DLG2: variants seen among roughly 807,000 people sequenced by gnomAD.
DLG2 encodes the protein disks large homolog 2.
In DLG2, 45 loss-of-function variants were observed where a neutral mutation model predicts 132.5. The ratio of observed to expected loss-of-function variants is 0.34; its 90% CI spans 0.27 to 0.44. The LOEUF (loss-of-function observed/expected upper bound fraction) is 0.44. DLG2 is among the 20% of genes least tolerant of loss of function. DLG2 has a pLI of 1.00. For missense variants in DLG2, 1,045 were observed against 1,196.9 expected (o/e 0.87, Z 1.87); for synonymous variants, 424 against 419.6 (o/e 1.01, Z -0.13).
At chr11:84,143,687 T>C (rs1008785196) in intron 9 of DLG2, among the ~76,000 whole-genome samples, 3 of 152,190 alleles carry the variant, frequency 2.0e-5, no homozygotes, top group African/African-American at 7.2e-5. Context: ...TTTTTCCTAA[T>C]GTACATCTCT....
At chr11:85,420,770 G>C (rs1338697756) in intron 3 of DLG2, among the ~76,000 whole-genome samples, 2 of 152,132 alleles carry the variant, frequency 1.3e-5, no homozygotes, top group Non-Finnish European at 2.9e-5. Flanking sequence ...TTCAGTAATG[G>C]TGGATGCCCC....
At chr11:84,581,472 G>T (rs1346091793) in intron 6 of DLG2, among the ~76,000 whole-genome samples, 1 of 152,096 alleles carries the variant, frequency 6.6e-6, no homozygotes, top group East Asian at 1.9e-4. Context: ...TCATTTTAAA[G>T]AAATTGTTGG....
At chr11:83,787,482 C>A (rs370006011) in intron 17 of DLG2, among the ~76,000 whole-genome samples, 2 of 151,702 alleles carry the variant, frequency 1.3e-5, no homozygotes, top group Non-Finnish European at 2.9e-5. Flanking sequence ...CCACCACGCC[C>A]GGCTAATTTT....
At chr11:84,548,941 G>A (rs994216160) in intron 6 of DLG2, among the ~76,000 whole-genome samples, 2 of 152,096 alleles carry the variant, frequency 1.3e-5, no homozygotes, top group Non-Finnish European at 2.9e-5. Flanking sequence ...ATTTTTTGGA[G>A]CTACATATAT....
intron 3 of DLG2, among the ~76,000 whole-genome samples, chr11:85,434,350 C>T (rs143028189): frequency 0.018 from 2,736 of 148,514 alleles, 49 homozygotes; most frequent in Admixed American, 0.036. Context: ...GATAGAGACA[C>T]GAAAAACCCT....
In DLG2 at chr11:84,150,342, G is replaced by T. The variant is rs61897657; in HGVS notation, c.624+13119C>A. On this transcript the variant is annotated intron_variant, in intron 9 of 27. Transcript: ENST00000376104. Reference sequence around the variant, plus strand: ...CTACTACTGTATCCTGCTGTAAATAGGATTGCATTGTTATTTGGCTCTCAG... The same window carrying T: ...CTACTACTGTATCCTGCTGTAAATATGATTGCATTGTTATTTGGCTCTCAG... Among the ~76,000 whole-genome samples, 1,100 of 152,154 alleles carry T rather than the reference G, an allele frequency of 7.2e-3. 7 individuals carry two copies. The highest frequency in any genetic ancestry group is 0.012 in the Non-Finnish European group (806 of 67,998).
intron 3 of DLG2, among the ~76,000 whole-genome samples, chr11:85,554,434 A>T (rs1504029): frequency 0.21 from 32,151 of 151,714 alleles, 4,586 homozygotes; most frequent in African/African-American, 0.36. Flanking sequence ...AAATTGCCTT[A>T]GCAAAGATTA....
intron 5 of DLG2, among the ~76,000 whole-genome samples, chr11:85,115,488 A>C (rs1281187114): frequency 6.6e-6 from 1 of 152,026 alleles, no homozygotes. Flanking sequence ...GTTATAAAGC[A>C]ATATTACTGA....
chr11:84,287,783 T>C (rs1039851229), intron 7 of DLG2, among the ~76,000 whole-genome samples: 200 of 114,434 alleles, frequency 1.7e-3, no homozygotes, highest in Admixed American at 5.3e-3. Context: ...CACACACAAA[T>C]ACTTTATTCG....
chr11:84,717,791 C>T (rs542936915), intron 6 of DLG2, among the ~76,000 whole-genome samples: 3 of 152,034 alleles, frequency 2.0e-5, no homozygotes, highest in African/African-American at 7.2e-5. Flanking sequence ...ATATAAGCAA[C>T]AATCATTTGA....
chr11:83,930,610 A>G, intron 14 of DLG2, 127 bp from the exon 15 acceptor site: 1 of 973,432 alleles, frequency 1.0e-6, no homozygotes, highest in South Asian at 1.9e-5. Flanking sequence ...TTGTTACTAA[A>G]AGAAACCCAA....
At chr11:84,871,863 C>T (rs187407112) in intron 6 of DLG2, among the ~76,000 whole-genome samples, 2,642 of 152,092 alleles carry the variant, frequency 0.017, 61 homozygotes, top group Middle Eastern at 0.051. Flanking sequence ...TTAGTAGAGA[C>T]GGGGTTTCAC....
intron 7 of DLG2, among the ~76,000 whole-genome samples, chr11:84,484,018 G>T (rs1027558362): frequency 6.6e-6 from 1 of 152,072 alleles, no homozygotes; most frequent in African/African-American, 2.4e-5. Flanking sequence ...TCTTTATGTT[G>T]CTAGAGGGAC....
chr11:83,874,071 T>C (rs2064034041), intron 16 of DLG2, among the ~76,000 whole-genome samples: 2 of 151,546 alleles, frequency 1.3e-5, no homozygotes, highest in South Asian at 4.2e-4. Flanking sequence ...TCCTAGATAT[T>C]TGCTGATTGA....
chr11:84,392,353 C>G (rs573669309), intron 7 of DLG2, among the ~76,000 whole-genome samples: 7 of 152,188 alleles, frequency 4.6e-5, no homozygotes, highest in African/African-American at 1.2e-4. Context: ...TTCTCCATCC[C>G]TCTCTTTGAT....
intron 5 of DLG2, among the ~76,000 whole-genome samples, chr11:85,149,004 GA>G (rs2077048453): frequency 6.6e-6 from 1 of 152,156 alleles, no homozygotes; most frequent in South Asian, 2.1e-4. Context: ...ATTAAATACG[GA>G]ATCCTTTCCC....
At chr11:84,904,484 T>C (rs1331775012) in intron 6 of DLG2, among the ~76,000 whole-genome samples, 1 of 152,188 alleles carries the variant, frequency 6.6e-6, no homozygotes, top group Non-Finnish European at 1.5e-5. Flanking sequence ...TAAATCAGAC[T>C]ATACTGTTTC....
chr11:84,208,729 A>G (rs2096711175), intron 8 of DLG2, among the ~76,000 whole-genome samples: 1 of 152,202 alleles, frequency 6.6e-6, no homozygotes, highest in African/African-American at 2.4e-5. Flanking sequence ...TAAAGATAAA[A>G]GGAAGTGTAC....
chr11:83,466,832 A>G lies in DLG2; in HGVS notation c.2620-15T>C, dbSNP rs1203042996. 2 of 1,560,874 alleles carry G rather than the reference A, an allele frequency of 1.3e-6. No homozygotes were observed. Among genetic ancestry groups the G allele is most frequent in the Non-Finnish European group, 1.8e-6 (2 of 1,131,712 alleles). On this transcript the variant is annotated splice_polypyrimidine_tract_variant and intron_variant, in intron 25 of 27. Coordinates refer to ENST00000376104, the MANE Select transcript of DLG2 (RefSeq NM_001142699.3). ...CAGTGTTTGCCCTGGTAGAAAGAGA[A>G]GAAAAATATGAAGTTAATATAGGAA...
Sources: allele counts gnomAD v4.1 joint callset (sites outside exome capture counted in the v4.1 genomes callset), GRCh38; gene constraint gnomAD v4.1.1; transcripts MANE v1.5; gene names NCBI Gene and HGNC (gene_info 2026-07-23, HGNC 2026-07-21).